RGS20: variants seen among roughly 807,000 people sequenced by gnomAD.
RGS20 encodes the protein gz-selective GTPase-activating protein.
In RGS20, 30 loss-of-function variants were observed where a neutral mutation model predicts 33.6. That is an observed-to-expected ratio of 0.89 (90% CI 0.67 to 1.21). RGS20 has a LOEUF of 1.21. RGS20 is among the 50% of genes most tolerant of loss of function. RGS20 has a pLI of 0.00. For missense variants in RGS20, 472 were observed against 502.4 expected (o/e 0.94, Z 0.58); for synonymous variants, 208 against 197.9 (o/e 1.05, Z -0.43).
intron 3 of RGS20, among the ~76,000 whole-genome samples, chr8:53,944,460 C>T (rs111491982): frequency 0.01 from 1,553 of 151,916 alleles, 30 homozygotes; most frequent in African/African-American, 0.036. Context: ...ATCACTTAAA[C>T]CCGGGAGGCG....
At position 53,958,492 on chromosome 8, in the gene RGS20, A is replaced by G. The variant is rs1447408548; in HGVS notation, c.*34A>G. 11 of 1,214,384 alleles carry G rather than the reference A, an allele frequency of 9.1e-6. No individual in the cohort carries two copies. The South Asian group carries it at 2.8e-4, about 30-fold the overall frequency. The allele number at this position is 1,214,384 out of a possible 1,614,324, so 75.2% of individuals were successfully genotyped here. A position where few individuals can be genotyped will look rare whatever the true frequency, so the allele number is the denominator to read the frequency against. ...AAATATATTTATTATTAATAAAATAATAAAAGAATTCATGGGCTACAACTA... is the reference window on the plus strand; with the variant it reads ...AAATATATTTATTATTAATAAAATAGTAAAAGAATTCATGGGCTACAACTA... On this transcript the variant is annotated 3_prime_UTR_variant, in exon 6 of 6. Transcript: ENST00000297313.
At chr8:53,932,520 G>A (rs1814001736) in intron 2 of RGS20, among the ~76,000 whole-genome samples, 1 of 152,196 alleles carries the variant, frequency 6.6e-6, no homozygotes. Flanking sequence ...CAGGAAGTTC[G>A]AACTAGGAGG....
At chr8:53,931,592 A>AAC (rs762418562) in intron 2 of RGS20, among the ~76,000 whole-genome samples, 21 of 144,608 alleles carry the variant, frequency 1.5e-4, no homozygotes, top group Non-Finnish European at 2.7e-4. Context: ...CAACAACAAC[A>AAC]AACAACCTGT....
chr8:53,859,997 CG>C (rs1443583648), intron 1 of RGS20, among the ~76,000 whole-genome samples: 5 of 152,126 alleles, frequency 3.3e-5, no homozygotes, highest in Non-Finnish European at 5.9e-5. Flanking sequence ...CAAACCATAT[CG>C]GGGAGTAAAC....
intron 2 of RGS20, among the ~76,000 whole-genome samples, chr8:53,892,013 T>A (rs1812723101): frequency 6.6e-6 from 1 of 152,100 alleles, no homozygotes; most frequent in Non-Finnish European, 1.5e-5. Context: ...TAGCATTAGG[T>A]ATATCTCCTA....
rs1194508354 is a variant in RGS20, at chr8:53,959,216, CAAAT to C, written c.*761_*764del. ...TTGGTCATGTTCACAACAAAACTGT[CAAAT>C]AAGCATATTTCCATTTTTATTACTG... is the stretch of plus-strand genomic sequence containing the variant. On this transcript the variant is annotated 3_prime_UTR_variant, in exon 6 of 6. Transcript: ENST00000297313. 35 of 152,238 alleles carry C rather than the reference CAAAT, an allele frequency of 2.3e-4. No homozygotes were observed. Among genetic ancestry groups the C allele is most frequent in the African/African-American group, 8.4e-4 (35 of 41,546 alleles). 9.4% of individuals were successfully genotyped at this position (152,238 alleles called of 1,614,324 possible). A position where few individuals can be genotyped will look rare whatever the true frequency, so the allele number is the denominator to read the frequency against.
At position 53,935,525 on chromosome 8, in the gene RGS20, G is replaced by GAC. The variant is rs201970140; in HGVS notation, c.511-4047_511-4046dup. 7.2e-3 allele frequency among the ~76,000 whole-genome samples: 1,094 copies of GAC among 152,114 alleles called. 6 individuals carry two copies. Among genetic ancestry groups the GAC allele is most frequent in the Non-Finnish European group, 0.012 (812 of 67,994 alleles). ...TCTAGAAGAAACAGATAAATTCCTGGACACATACACCCTCCCAAGACTAAA... is the reference window on the plus strand; with the variant it reads ...TCTAGAAGAAACAGATAAATTCCTGGACACACATACACCCTCCCAAGACTAAA... On this transcript the variant is annotated intron_variant, in intron 2 of 5. Coordinates refer to ENST00000297313, the MANE Select transcript of RGS20 (RefSeq NM_170587.4).
At chr8:53,863,716 CTTTGT>C (rs1260011352) in intron 1 of RGS20, among the ~76,000 whole-genome samples, 2 of 147,272 alleles carry the variant, frequency 1.4e-5, no homozygotes, top group Non-Finnish European at 3.0e-5. Flanking sequence ...TTCTCTGAGT[CTTTGT>C]TTTATCTTTT....
At chr8:53,866,924 T>C (rs980082835) in intron 1 of RGS20, among the ~76,000 whole-genome samples, 2 of 152,150 alleles carry the variant, frequency 1.3e-5, no homozygotes, top group African/African-American at 2.4e-5. Context: ...TGGACGTGTG[T>C]GTGTCCTAAG....
intron 1 of RGS20, among the ~76,000 whole-genome samples, chr8:53,878,565 G>C (rs1374787704): frequency 6.6e-6 from 1 of 152,176 alleles, no homozygotes; most frequent in Non-Finnish European, 1.5e-5. Context: ...GGGTTCACTT[G>C]TAGTAGCAGC....
chr8:53,878,000 G>T lies in RGS20; in HGVS notation c.166-1258G>T, dbSNP rs986499155. 1.3e-5 allele frequency among the ~76,000 whole-genome samples: 2 copies of T among 152,146 alleles called. No individual in the cohort carries two copies. Among genetic ancestry groups the T allele is most frequent in the African/African-American group, 4.8e-5 (2 of 41,428 alleles). ...CGCTCGCGACCGCTCCCGCCTTCAG[G>T]ACCCTGGAGAGCGGCCGCCGCGCCC... On this transcript the variant is annotated intron_variant, in intron 1 of 5. Transcript: ENST00000297313. This position sits in a 1 kb window ranked among gnomAD's most constrained non-coding sequence, Gnocchi z 5.7.
chr8:53,852,103 A>G (rs1183250450), intron 1 of RGS20: 2 of 1,540,332 alleles, frequency 1.3e-6, no homozygotes, highest in East Asian at 2.3e-5. Flanking sequence ...TTTCCCGTCA[A>G]GGGAAAGTGT....
At chr8:53,892,596 AACTTTG>A (rs1812743498) in intron 2 of RGS20, among the ~76,000 whole-genome samples, 1 of 152,224 alleles carries the variant, frequency 6.6e-6, no homozygotes, top group Non-Finnish European at 1.5e-5. Context: ...ACTAGGCTCA[AACTTTG>A]ACTTTGATCA....
At chr8:53,922,096 A>G (rs1017138787) in intron 2 of RGS20, among the ~76,000 whole-genome samples, 9 of 151,994 alleles carry the variant, frequency 5.9e-5, no homozygotes, top group African/African-American at 2.2e-4. Flanking sequence ...ATTGAAAGCA[A>G]GGTATTGAAC....
chr8:53,947,311 GTA>G (rs1018691875), intron 4 of RGS20, among the ~76,000 whole-genome samples: 3 of 136,996 alleles, frequency 2.2e-5, no homozygotes, highest in Admixed American at 7.5e-5. Context: ...ATAAGATATA[GTA>G]TATATATTAT....
At chr8:53,948,383 T>C (rs1237106174) in intron 4 of RGS20, among the ~76,000 whole-genome samples, 1 of 142,712 alleles carries the variant, frequency 7.0e-6, no homozygotes, top group Admixed American at 7.1e-5. Context: ...TATATTTATA[T>C]ATGCTATATA....
intron 2 of RGS20, among the ~76,000 whole-genome samples, chr8:53,902,390 G>A (rs890408435): frequency 2.0e-5 from 3 of 152,204 alleles, no homozygotes; most frequent in African/African-American, 7.2e-5. Context: ...TTCTCAGGGA[G>A]TATATACCAA....
chr8:53,879,237 G>C, intron 1 of RGS20: 1 of 1,605,882 alleles, frequency 6.2e-7, no homozygotes, highest in Non-Finnish European at 8.5e-7. Flanking sequence ...TGCTGGTTTT[G>C]TTTCTCTCTC....
intron 2 of RGS20, among the ~76,000 whole-genome samples, chr8:53,935,678 CA>C (rs1369166613): frequency 6.6e-6 from 1 of 152,104 alleles, no homozygotes; most frequent in Non-Finnish European, 1.5e-5. Flanking sequence ...ACCAGAGGTA[CA>C]AAGAGGAGCT....
Sources: allele counts gnomAD v4.1 joint callset (sites outside exome capture counted in the v4.1 genomes callset), GRCh38; gene constraint gnomAD v4.1.1; non-coding constraint Gnocchi (gnomAD v3.1); transcripts MANE v1.5; gene names NCBI Gene and HGNC (gene_info 2026-07-23, HGNC 2026-07-21).